Variants in CLEC4A observed in about 807,000 individuals in gnomAD.
CLEC4A encodes C-type (calcium dependent, carbohydrate-recognition domain) lectin, superfamily member 6.
Under a neutral mutation model 32.7 loss-of-function variants are expected in CLEC4A, and 27 were observed. That is an observed-to-expected ratio of 0.83 (90% CI 0.61 to 1.14). The LOEUF (loss-of-function observed/expected upper bound fraction) is 1.14. Among genes scored for constraint, CLEC4A ranks in the 50% most tolerant of loss-of-function variants. CLEC4A has a pLI of 0.00. For missense variants in CLEC4A, 253 were observed against 274.6 expected (o/e 0.92, Z 0.55); for synonymous variants, 89 against 93.7 (o/e 0.95, Z 0.29).
chr12:8,103,142 T>C, the CLEC4A span, among the ~76,000 whole-genome samples: 1 of 152,270 alleles, frequency 6.6e-6, no homozygotes, highest in Non-Finnish European at 1.5e-5. Flanking sequence ...CTAGGCAGTC[T>C]GCTTGCCAAT....
chr12:8,103,639 C>A, the CLEC4A span, among the ~76,000 whole-genome samples: 1 of 152,076 alleles, frequency 6.6e-6, no homozygotes, highest in Non-Finnish European at 1.5e-5. Context: ...TCTGCCTTGG[C>A]GTCCCCAGTA....
chr12:8,136,904 G>A lies in CLEC4A; in HGVS notation c.566+1G>A, dbSNP rs755736857. The A allele has an allele frequency of 2.4e-5, 38 of 1,594,748 alleles. No individual in the cohort carries two copies. The highest frequency in any genetic ancestry group is 6.7e-5 in the East Asian group (3 of 44,754). ...AGACACCATACAATGAAAGTTCCACGTGAGTATAGAATGAGATAAAAGAAT... is the reference window on the plus strand; with the variant it reads ...AGACACCATACAATGAAAGTTCCACATGAGTATAGAATGAGATAAAAGAAT... On this transcript the variant is annotated splice_donor_variant, in intron 5 of 5. Coordinates refer to ENST00000229332, the MANE Select transcript of CLEC4A (RefSeq NM_016184.4). LOFTEE classifies it high-confidence loss of function.
the CLEC4A span, among the ~76,000 whole-genome samples, chr12:8,108,364 A>G: frequency 6.6e-6 from 1 of 152,202 alleles, no homozygotes; most frequent in Non-Finnish European, 1.5e-5. Context: ...TTACCGTCTC[A>G]TTTTAATTAT....
upstream of CLEC4A, among the ~76,000 whole-genome samples, chr12:8,122,007 G>C (rs1190344869): frequency 6.6e-6 from 1 of 152,122 alleles, no homozygotes; most frequent in East Asian, 1.9e-4. Context: ...GCAGAGGGTA[G>C]ACCTGGTGTG....
chr12:8,108,623 T>C, the CLEC4A span, among the ~76,000 whole-genome samples: 1 of 152,330 alleles, frequency 6.6e-6, no homozygotes, highest in East Asian at 1.9e-4. Flanking sequence ...TTTCACAGCA[T>C]TTTTATGGTT....
intron 3 of CLEC4A, among the ~76,000 whole-genome samples, chr12:8,135,045 A>ATTTTTTTTTTTTTTTTTTTTT (rs1565406500): frequency 2.0e-4 from 1 of 4,966 alleles, no homozygotes; most frequent in Non-Finnish European, 4.8e-4. Flanking sequence ...CAATTTTATT[A>ATTTTTTTTTTTTTTTTTTTTT]TCTTTTTTTT....
the CLEC4A span, among the ~76,000 whole-genome samples, chr12:8,111,830 G>A: frequency 1.3e-5 from 2 of 151,860 alleles, no homozygotes; most frequent in Non-Finnish European, 2.9e-5. Context: ...TGGACTTGGT[G>A]GGTGAAATGC....
In CLEC4A at chr12:8,129,361, A is replaced by G; in HGVS notation, c.297A>G (p.Glu99=). 1.9e-6 allele frequency: 3 copies of G among 1,591,602 alleles called. No individual in the cohort carries two copies. The highest frequency in any genetic ancestry group is 2.6e-6 in the Non-Finnish European group (3 of 1,161,814). The part of the protein sequence containing the change: ...LECVKKNMPV[E]ETAWSCCPKN... ...GTGTGAAAAAAAATATGCCCGTGGA[A>G]GGTAAAAATTAATGTGCCTAGAATT... The change falls in exon 3 of 6, where the codon GAA becomes GAG. Residue 99 remains glutamate, a splice_region_variant and synonymous_variant. Coordinates refer to ENST00000229332, the MANE Select transcript of CLEC4A (RefSeq NM_016184.4).
chr12:8,108,810 A>T, the CLEC4A span, among the ~76,000 whole-genome samples: 9 of 152,242 alleles, frequency 5.9e-5, no homozygotes, highest in South Asian at 1.0e-3. Flanking sequence ...CAATCTAAGG[A>T]TAACATCATC....
the CLEC4A span, among the ~76,000 whole-genome samples, chr12:8,103,119 T>C: frequency 0.038 from 5,759 of 152,206 alleles, 160 homozygotes; most frequent in Non-Finnish European, 0.062. Context: ...ACTTCCTCCA[T>C]TCTGATAACC....
At chr12:8,121,469 A>T (rs1180984343), upstream of CLEC4A, 2 of 152,496 alleles carry the variant, frequency 1.3e-5, no homozygotes, top group Non-Finnish European at 2.9e-5. Flanking sequence ...GTCTATGGTG[A>T]GGTGGCTGGG....
At chr12:8,108,951 A>G in the CLEC4A span, among the ~76,000 whole-genome samples, 1 of 152,158 alleles carries the variant, frequency 6.6e-6, no homozygotes, top group Non-Finnish European at 1.5e-5. Context: ...TCATTGAAGC[A>G]CTTTGTGTCA....
chr12:8,109,977 G>T, the CLEC4A span, among the ~76,000 whole-genome samples: 2 of 152,110 alleles, frequency 1.3e-5, no homozygotes, highest in African/African-American at 2.4e-5. Context: ...AGGGAGACAT[G>T]CTTCTGAAAC....
At chr12:8,136,342 A>C (rs1439938373) in intron 4 of CLEC4A, among the ~76,000 whole-genome samples, 1 of 152,184 alleles carries the variant, frequency 6.6e-6, no homozygotes, top group Non-Finnish European at 1.5e-5. Flanking sequence ...AGGCGGGCGG[A>C]TCACTTGAGG....
chr12:8,129,356 G>T lies in CLEC4A; in HGVS notation c.292G>T (p.Val98Leu). ...GGAGTGTGTGAAAAAAAATATGCCC[G>T]TGGAAGGTAAAAATTAATGTGCCTA... ...TLECVKKNMP[V>L]EETAWSCCPK... Residue 98 changes from valine to leucine, a missense_variant, in exon 3 of 6, where the codon GTG becomes TTG. Coordinates refer to ENST00000229332, the MANE Select transcript of CLEC4A (RefSeq NM_016184.4). 6.3e-7 allele frequency: 1 copy of T among 1,598,970 alleles called. No homozygotes were observed. Among genetic ancestry groups the T allele is most frequent in the South Asian group, 1.1e-5 (1 of 89,588 alleles).
At chr12:8,118,761 C>A (rs1476556440), upstream of CLEC4A, among the ~76,000 whole-genome samples, 4 of 152,174 alleles carry the variant, frequency 2.6e-5, no homozygotes, top group African/African-American at 9.7e-5. Flanking sequence ...AGATCCAAAC[C>A]ACATCATCAT....
rs754620229 is a variant in CLEC4A, at chr12:8,133,284, C to A, written c.299-2301C>A. On this transcript the variant is annotated intron_variant, in intron 3 of 5. Transcript: ENST00000229332. ...CAGGCTGGTCTAGAACTCCCGACCACAGGTGATCCGCCCGCCTCAGCCTCC... is the reference window on the plus strand; with the variant it reads ...CAGGCTGGTCTAGAACTCCCGACCAAAGGTGATCCGCCCGCCTCAGCCTCC... 3.3e-5 allele frequency among the ~76,000 whole-genome samples: 5 copies of A among 152,264 alleles called. No homozygotes were observed. In the East Asian group the frequency reaches 9.7e-4, roughly 29 times the overall value.
chr12:8,127,282 A>G (rs1399483206), intron 2 of CLEC4A, among the ~76,000 whole-genome samples: 1 of 152,220 alleles, frequency 6.6e-6, no homozygotes, highest in Non-Finnish European at 1.5e-5. Flanking sequence ...GGCAACTGGC[A>G]GGCTTTTAAG....
chr12:8,135,761 T>C, intron 4 of CLEC4A, 25 bp downstream of exon 4: 4 of 1,610,792 alleles, frequency 2.5e-6, no homozygotes, highest in South Asian at 2.2e-5. Flanking sequence ...ATAATGGGGC[T>C]GTGAGCCCTG....
Sources: allele counts gnomAD v4.1 joint callset (sites outside exome capture counted in the v4.1 genomes callset), GRCh38; gene constraint gnomAD v4.1.1; transcripts MANE v1.5; gene names NCBI Gene and HGNC (gene_info 2026-07-23, HGNC 2026-07-21).